The following SMOC2 variants were observed in gnomAD, a reference collection of about 807,000 sequenced individuals.
The protein encoded by SMOC2 is SPARC-related modular calcium-binding protein 2.
A neutral mutation model predicts 61.4 loss-of-function variants in SMOC2; 39 were observed. The ratio of observed to expected loss-of-function variants is 0.64; its 90% CI spans 0.49 to 0.83. The LOEUF is 0.83. SMOC2 is among the 40% of genes least tolerant of loss of function. The pLI, the probability that SMOC2 is intolerant of heterozygous loss-of-function variation, is 0.00. For synonymous variants in SMOC2, 247 were observed against 239.9 expected (o/e 1.03, Z -0.27); for missense variants, 556 against 592.9 (o/e 0.94, Z 0.65).
At chr6:168,441,573 C>T in intron 1 of SMOC2, 119 bp downstream of exon 1, 2 of 1,306,970 alleles carry the variant, frequency 1.5e-6, no homozygotes, top group Non-Finnish European at 2.0e-6. Context: ...GCAGGTGGCC[C>T]CGGGGGCCGT....
In SMOC2 at chr6:168,589,235, G is replaced by A. The variant is rs144753345; in HGVS notation, c.638-9583G>A. ...ATGTGTGGGCATACTGTCAATACTT[G>A]TAATAATTCCTGAAGAACTCTTAAG... is the stretch of plus-strand genomic sequence containing the variant. On this transcript the variant is annotated intron_variant, in intron 7 of 12. Transcript: ENST00000356284. Among the ~76,000 whole-genome samples the A allele has an allele frequency of 4.2e-3, 637 of 152,308 alleles. 2 individuals carry two copies. Among genetic ancestry groups the A allele is most frequent in the African/African-American group, 0.014 (595 of 41,576 alleles).
rs375123249 is a variant in SMOC2, at chr6:168,543,821, A to AT, written c.511+151dup. ...ACTTCTGCATTCATTCAGCAATGCC[A>AT]TTCACTCACGATCACCAGCTCTGTT... On this transcript the variant is annotated intron_variant, in intron 5 of 12. Transcript: ENST00000356284. 20 of 742,130 alleles carry AT rather than the reference A, an allele frequency of 2.7e-5. No homozygotes were observed. In the African/African-American group the frequency reaches 3.3e-4, roughly 12 times the overall value. The allele number at this position is 742,130 out of a possible 1,614,324, so 46.0% of individuals were successfully genotyped here. A position where few individuals can be genotyped will look rare whatever the true frequency, so the allele number is the denominator to read the frequency against.
intron 11 of SMOC2, among the ~76,000 whole-genome samples, chr6:168,660,541 C>T (rs776786961): frequency 2.0e-5 from 3 of 152,242 alleles, no homozygotes; most frequent in African/African-American, 4.8e-5. Flanking sequence ...ACTACAGAAT[C>T]GCGATGGCTT....
chr6:168,657,850 C>A lies in SMOC2; in HGVS notation c.1285+4622C>A, dbSNP rs1466488000. On this transcript the variant is annotated intron_variant, in intron 11 of 12. Transcript: ENST00000356284. Reference sequence around the variant, plus strand: ...CCACTCCCAATATAATGGCATTCACCTATTCGTGAGGGCAGAGTCCTCATG... The same window carrying A: ...CCACTCCCAATATAATGGCATTCACATATTCGTGAGGGCAGAGTCCTCATG... Among the ~76,000 whole-genome samples, 4 of 152,292 alleles carry A rather than the reference C, an allele frequency of 2.6e-5. No homozygotes were observed. The South Asian group carries it at 8.3e-4, about 32-fold the overall frequency.
intron 7 of SMOC2, among the ~76,000 whole-genome samples, chr6:168,579,485 C>T (rs773964770): frequency 5.9e-5 from 9 of 152,028 alleles, no homozygotes; most frequent in South Asian, 2.1e-4. Flanking sequence ...CCAAATATAA[C>T]ATCAGGTGAC....
rs560633724 is a variant in SMOC2, at chr6:168,599,672, C to T, written c.824+668C>T. Among the ~76,000 whole-genome samples the T allele has an allele frequency of 8.6e-5, 10 of 116,906 alleles. No individual in the cohort carries two copies. In the East Asian group the frequency reaches 2.7e-3, roughly 31 times the overall value. 76.7% of individuals were successfully genotyped at this position (116,906 alleles called of 152,430 possible). A position where few individuals can be genotyped will look rare whatever the true frequency, so the allele number is the denominator to read the frequency against. ...CACTCATACCCACACTCACACACTC[C>T]CCTACACACTCTCACACTCTCACAC... On this transcript the variant is annotated intron_variant, in intron 8 of 12. Transcript: ENST00000356284.
At chr6:168,632,655 A>G (rs929622685) in intron 9 of SMOC2, among the ~76,000 whole-genome samples, 6 of 152,222 alleles carry the variant, frequency 3.9e-5, no homozygotes, top group East Asian at 1.9e-4. Context: ...AAATTTTGCT[A>G]TCCAGCCTAT....
At chr6:168,636,312 A>T (rs1786717702) in intron 9 of SMOC2, among the ~76,000 whole-genome samples, 1 of 152,198 alleles carries the variant, frequency 6.6e-6, no homozygotes, top group Non-Finnish European at 1.5e-5. Flanking sequence ...AACAACATAG[A>T]CAGACTCTAA....
intron 9 of SMOC2, among the ~76,000 whole-genome samples, chr6:168,616,892 G>A (rs4708764): frequency 6.6e-6 from 1 of 152,132 alleles, no homozygotes; most frequent in African/African-American, 2.4e-5. Context: ...GCTGCACTGC[G>A]GGGGGGTTGC....
chr6:168,538,902 C>T (rs902501520), intron 4 of SMOC2, among the ~76,000 whole-genome samples: 2 of 152,086 alleles, frequency 1.3e-5, no homozygotes, highest in African/African-American at 4.8e-5. Flanking sequence ...GAGAGGGCTG[C>T]TGACCACATC....
At chr6:168,637,388 A>G (rs77078007) in intron 9 of SMOC2, among the ~76,000 whole-genome samples, 3,651 of 152,236 alleles carry the variant, frequency 0.024, 167 homozygotes, top group African/African-American at 0.084. Context: ...CGTCCACAGG[A>G]CAGCTGAAGT....
intron 4 of SMOC2, among the ~76,000 whole-genome samples, chr6:168,529,216 T>A (rs80241933): frequency 1.3e-5 from 2 of 152,204 alleles, no homozygotes; most frequent in East Asian, 3.9e-4. Context: ...CCTTTTTTTT[T>A]AACTGCCTAC....
At chr6:168,548,834 G>T (rs529284187) in intron 6 of SMOC2, among the ~76,000 whole-genome samples, 2 of 152,242 alleles carry the variant, frequency 1.3e-5, no homozygotes, top group South Asian at 4.1e-4. Context: ...ATATATTTTT[G>T]TACACTGGGT....
intron 7 of SMOC2, among the ~76,000 whole-genome samples, chr6:168,568,614 T>A (rs1418823221): frequency 6.6e-6 from 1 of 152,172 alleles, no homozygotes; most frequent in Non-Finnish European, 1.5e-5. Context: ...GAGTGACGTG[T>A]ACCCACCATC....
chr6:168,595,124 C>T (rs1785288054), intron 7 of SMOC2, among the ~76,000 whole-genome samples: 1 of 150,568 alleles, frequency 6.6e-6, no homozygotes, highest in Admixed American at 6.6e-5. Flanking sequence ...CCGAGCTCCT[C>T]CTTCCTAAGG....
intron 8 of SMOC2, among the ~76,000 whole-genome samples, chr6:168,599,462 C>T (rs1434394392): frequency 2.8e-5 from 4 of 141,274 alleles, no homozygotes; most frequent in Non-Finnish European, 6.1e-5. Context: ...CCCCCACACA[C>T]CCACTCACAC....
rs546409386 is a variant in SMOC2 at position 168,464,560 on chromosome 6, T to A, written c.84+23106T>A. On this transcript the variant is annotated intron_variant, in intron 1 of 12. Coordinates refer to ENST00000356284, the MANE Select transcript of SMOC2 (RefSeq NM_001166412.2). ...CAGTTTCATGAATATTCAATTAGGATTTTCATTTTTTTTTTTTAACATACT... is the reference window on the plus strand; with the variant it reads ...CAGTTTCATGAATATTCAATTAGGAATTTCATTTTTTTTTTTTAACATACT... 3.2e-5 allele frequency among the ~76,000 whole-genome samples: 3 copies of A among 93,296 alleles called. No individual in the cohort carries two copies. In the South Asian group the frequency reaches 9.2e-4, roughly 29 times the overall value. The allele number at this position is 93,296 out of a possible 152,430, so 61.2% of individuals were successfully genotyped here. A position where few individuals can be genotyped will look rare whatever the true frequency, so the allele number is the denominator to read the frequency against.
intron 1 of SMOC2, among the ~76,000 whole-genome samples, chr6:168,508,533 T>C (rs1479605924): frequency 2.0e-5 from 3 of 152,234 alleles, no homozygotes; most frequent in Non-Finnish European, 4.4e-5. Context: ...AAAGCTAGCC[T>C]TTAAACAGAG....
chr6:168,496,985 G>T (rs542466822), intron 1 of SMOC2, among the ~76,000 whole-genome samples: 15 of 152,228 alleles, frequency 9.9e-5, no homozygotes, highest in Non-Finnish European at 1.6e-4. Context: ...GGAAGATGCG[G>T]CCCCCGGCAA....
Sources: gnomAD v4.1 joint callset for allele counts (sites outside exome capture counted in the v4.1 genomes callset) on GRCh38, gnomAD v4.1.1 for gene constraint, MANE v1.5 for transcripts, NCBI Gene and HGNC (gene_info 2026-07-23, HGNC 2026-07-21) for gene names.